Variants in MYT1L observed in about 807,000 individuals in gnomAD.
MYT1L encodes myelin transcription factor 1-like protein.
A neutral mutation model predicts 126.7 loss-of-function variants in MYT1L; 12 were observed. The ratio of observed to expected loss-of-function variants is 0.09; its 90% CI spans 0.06 to 0.15. The LOEUF is 0.15. MYT1L is among the 10% of genes least tolerant of loss of function. The probability of loss-of-function intolerance (pLI) is 1.00; values close to 1 mark genes in which losing one functional copy is unlikely to be tolerated. For synonymous variants in MYT1L, 541 were observed against 604.2 expected, an observed-to-expected ratio of 0.90 and a Z score of 1.53; for missense variants, 979 against 1,585.2, an observed-to-expected ratio of 0.62 and a Z score of 6.49.
At chr2:1,797,961 TTCTCCGGCACAGGCGCGGCGGTCTCCCC>T (rs565162245) in intron 23 of MYT1L, among the ~76,000 whole-genome samples, 3 of 18,124 alleles carry the variant, frequency 1.7e-4, no homozygotes, top group African/African-American at 4.3e-4. Context: ...GGTCTCCCCC[TTCTCCGGCACAGGCGCGGCGGTCTCCCC>T]CCATCCGGCA....
At chr2:2,313,262 TA>T (rs112642305) in intron 1 of MYT1L, among the ~76,000 whole-genome samples, 42,187 of 148,044 alleles carry the variant, frequency 0.28, 6,094 homozygotes, top group South Asian at 0.45. Flanking sequence ...TCTCAGCTGA[TA>T]AAAAAAAAAA....
At chr2:2,287,343 GA>G (rs58334410) in intron 1 of MYT1L, among the ~76,000 whole-genome samples, 11,227 of 152,094 alleles carry the variant, frequency 0.074, 601 homozygotes, top group African/African-American at 0.15. Context: ...TTTAAGTGTT[GA>G]AAAAAATTGA....
Position 1,887,944 on chromosome 2 carries a change from G to C in MYT1L, c.2521-335C>G, listed in dbSNP as rs1449342620. On this transcript the variant is annotated intron_variant, in intron 16 of 24. Transcript: ENST00000647738. This position sits in a 1 kb window ranked among gnomAD's most constrained non-coding sequence, Gnocchi z 4.8. Reference sequence around the variant, plus strand: ...CTCATCCAGCATTCAGCACACACCTGTGGGTGGCTGCTTTATCCAACACTT... The same window carrying C: ...CTCATCCAGCATTCAGCACACACCTCTGGGTGGCTGCTTTATCCAACACTT... Among the ~76,000 whole-genome samples, 1 of 152,172 alleles carries C rather than the reference G, an allele frequency of 6.6e-6. No individual in the cohort carries two copies. The highest frequency in any genetic ancestry group is 2.4e-5 in the African/African-American group (1 of 41,444).
At chr2:1,981,925 G>A (rs546267724) in intron 5 of MYT1L, among the ~76,000 whole-genome samples, 1 of 152,300 alleles carries the variant, frequency 6.6e-6, no homozygotes, top group East Asian at 1.9e-4. Context: ...AAAACTTTCT[G>A]ATGGAAGAAT....
At chr2:2,061,091 G>A (rs920277349) in intron 3 of MYT1L, among the ~76,000 whole-genome samples, 2 of 152,150 alleles carry the variant, frequency 1.3e-5, no homozygotes, top group African/African-American at 2.4e-5. Context: ...TTGATTAATA[G>A]ACGTGACTTA....
At chr2:1,970,302 C>A (rs1340725353) in intron 8 of MYT1L, among the ~76,000 whole-genome samples, 1 of 152,188 alleles carries the variant, frequency 6.6e-6, no homozygotes, top group African/African-American at 2.4e-5. Flanking sequence ...CCCAGCGATG[C>A]TCATGAACCT....
intron 3 of MYT1L, among the ~76,000 whole-genome samples, chr2:2,072,680 G>A (rs970579058): frequency 4.0e-5 from 6 of 151,738 alleles, no homozygotes; most frequent in Non-Finnish European, 4.4e-5. Flanking sequence ...GGTAGGAAGT[G>A]GTGGATCATG....
At chr2:1,911,148 A>C (rs1324905601) in intron 12 of MYT1L, among the ~76,000 whole-genome samples, 1 of 152,118 alleles carries the variant, frequency 6.6e-6, no homozygotes, top group Non-Finnish European at 1.5e-5. Context: ...CACCTCTCCA[A>C]CCTATCGATC....
chr2:2,040,058 C>A (rs1340524493), intron 4 of MYT1L, among the ~76,000 whole-genome samples: 1 of 152,166 alleles, frequency 6.6e-6, no homozygotes, highest in Non-Finnish European at 1.5e-5. Flanking sequence ...TGCACAACAT[C>A]CCCTCAGCAT....
chr2:1,990,130 G>A (rs1275918084), intron 5 of MYT1L, among the ~76,000 whole-genome samples: 1 of 152,240 alleles, frequency 6.6e-6, no homozygotes, highest in African/African-American at 2.4e-5. Context: ...TAAAATCAGT[G>A]TCTTGCAGGA....
intron 4 of MYT1L, among the ~76,000 whole-genome samples, chr2:1,997,885 AT>A (rs2062008077): frequency 6.6e-6 from 1 of 152,174 alleles, no homozygotes. Flanking sequence ...TTTCTTACCC[AT>A]TATGTCATTT....
intron 4 of MYT1L, among the ~76,000 whole-genome samples, chr2:2,004,176 TGCC>T: frequency 6.7e-6 from 1 of 149,830 alleles, no homozygotes; most frequent in Non-Finnish European, 1.5e-5. Context: ...CTTTCCTGCG[TGCC>T]TCCTTTCCTG....
chr2:1,826,830 G>A (rs2039421185), intron 21 of MYT1L: 1 of 151,682 alleles, frequency 6.6e-6, no homozygotes, highest in African/African-American at 2.4e-5. Flanking sequence ...CACAGGAGTG[G>A]CGTGGGGGCA....
chr2:2,005,184 G>GCC, intron 4 of MYT1L, among the ~76,000 whole-genome samples: 2 of 143,752 alleles, frequency 1.4e-5, no homozygotes, highest in Non-Finnish European at 3.0e-5. Flanking sequence ...TCCTGCATGT[G>GCC]TTTTTTCCTG....
rs1284914184 is a variant in MYT1L at position 2,059,094 on chromosome 2, T to C, written c.-303-4971A>G. On this transcript the variant is annotated intron_variant, in intron 3 of 24. Coordinates refer to ENST00000647738, the MANE Select transcript of MYT1L (RefSeq NM_001303052.2). The surrounding 1 kb of genome is among the most constrained non-coding windows in gnomAD (Gnocchi z 4.7). ...AGAAGGAAGAATTCACTCAGTCTTA[T>C]AGACACAGTGGTCTTGTTATTCCTC... 1.3e-5 allele frequency among the ~76,000 whole-genome samples: 2 copies of C among 152,222 alleles called. No individual in the cohort carries two copies. The highest frequency in any genetic ancestry group is 6.5e-5 in the Admixed American group (1 of 15,292).
rs1206312479 is a variant in MYT1L, at chr2:1,806,819, G to A, written c.3172+2257C>T. ...CTAACCGCCACTTCCTTCATTAATG[G>A]GGAACAAAGGCACGTGGACTCGGAT... is the stretch of plus-strand genomic sequence containing the variant. On this transcript the variant is annotated intron_variant, in intron 22 of 24. Coordinates refer to ENST00000647738, the MANE Select transcript of MYT1L (RefSeq NM_001303052.2). The surrounding 1 kb of genome is among the most constrained non-coding windows in gnomAD (Gnocchi z 4.9). Among the ~76,000 whole-genome samples, 2 of 152,016 alleles carry A rather than the reference G, an allele frequency of 1.3e-5. No homozygotes were observed. The highest frequency in any genetic ancestry group is 2.1e-4 in the South Asian group (1 of 4,824).
At position 2,117,304 on chromosome 2, in the gene MYT1L, T is replaced by G. The variant is rs2080337372; in HGVS notation, c.-304+55568A>C. On this transcript the variant is annotated intron_variant, in intron 3 of 24. Coordinates refer to ENST00000647738, the MANE Select transcript of MYT1L (RefSeq NM_001303052.2). ...TTGAATAAAATGCAGTAGTAAGGAT[T>G]TGTGAAAAATAAACCAGAGAAAATG... 1.3e-5 allele frequency among the ~76,000 whole-genome samples: 2 copies of G among 152,176 alleles called. 1 individual carries two copies. Among genetic ancestry groups the G allele is most frequent in the Admixed American group, 1.3e-4 (2 of 15,284 alleles).
chr2:1,908,140 T>C (rs2051360429), intron 13 of MYT1L, among the ~76,000 whole-genome samples: 2 of 152,232 alleles, frequency 1.3e-5, no homozygotes, highest in South Asian at 4.1e-4. Context: ...CTCTGCTCGG[T>C]TGGCATTTGG....
intron 3 of MYT1L, among the ~76,000 whole-genome samples, chr2:2,089,231 A>C (rs1374582003): frequency 1.3e-5 from 2 of 152,232 alleles, no homozygotes; most frequent in Admixed American, 6.5e-5. Context: ...CTCTATTGTT[A>C]AGGCAATGTC....
Sources: allele counts gnomAD v4.1 joint callset (sites outside exome capture counted in the v4.1 genomes callset), GRCh38; gene constraint gnomAD v4.1.1; non-coding constraint Gnocchi (gnomAD v3.1); transcripts MANE v1.5; gene names NCBI Gene and HGNC (gene_info 2026-07-23, HGNC 2026-07-21).